SLC10A7: variants seen among roughly 807,000 people sequenced by gnomAD.
SLC10A7 encodes sodium/bile acid cotransporter 7.
SLC10A7 carries 29 observed loss-of-function variants against 43.2 expected under a neutral mutation model. The ratio of observed to expected loss-of-function variants is 0.67; its 90% CI spans 0.50 to 0.92. SLC10A7 has a LOEUF of 0.92. Ranked by LOEUF, SLC10A7 falls within the 40% of genes least tolerant of loss-of-function variation. The pLI, the probability that SLC10A7 is intolerant of heterozygous loss-of-function variation, is 0.00. For missense variants in SLC10A7, 295 were observed against 403.2 expected, an observed-to-expected ratio of 0.73 and a Z score of 2.30; for synonymous variants, 152 against 144.8, an observed-to-expected ratio of 1.05 and a Z score of -0.35.
intron 5 of SLC10A7, among the ~76,000 whole-genome samples, chr4:146,416,838 C>T (rs1426208118): frequency 6.6e-6 from 1 of 152,048 alleles, no homozygotes; most frequent in East Asian, 1.9e-4. Flanking sequence ...ATTCTCCTAC[C>T]TCAATACCTT....
intron 3 of SLC10A7, 101 bp from the exon 4 acceptor site, chr4:146,504,025 G>A (rs79033595): frequency 9.9e-6 from 10 of 1,008,902 alleles, no homozygotes; most frequent in African/African-American, 1.6e-5. Flanking sequence ...ATGAATATAA[G>A]GGCATATTTA....
intron 5 of SLC10A7, among the ~76,000 whole-genome samples, chr4:146,374,593 A>AT (rs983202005): frequency 1.3e-5 from 2 of 148,220 alleles, no homozygotes; most frequent in Non-Finnish European, 3.0e-5. Context: ...TCTCAAAAAA[A>AT]ATATATACAT....
At chr4:146,484,533 A>G (rs1009900015) in intron 4 of SLC10A7, among the ~76,000 whole-genome samples, 4 of 152,196 alleles carry the variant, frequency 2.6e-5, no homozygotes, top group Non-Finnish European at 5.9e-5. Flanking sequence ...AGAGAAAAAA[A>G]CAGTGGTTAC....
At chr4:146,313,796 G>C (rs1732142468) in intron 6 of SLC10A7, among the ~76,000 whole-genome samples, 1 of 152,020 alleles carries the variant, frequency 6.6e-6, no homozygotes. Context: ...TCTCTTCTAT[G>C]AACTCCTATT....
intron 5 of SLC10A7, among the ~76,000 whole-genome samples, chr4:146,427,318 C>G (rs1729445505): frequency 6.6e-6 from 1 of 152,148 alleles, no homozygotes; most frequent in Non-Finnish European, 1.5e-5. Context: ...CTGGGTGACA[C>G]ACACACACAA....
At chr4:146,292,886 C>A (rs769216178) in intron 9 of SLC10A7, 43 bp downstream of exon 9, 4 of 1,394,846 alleles carry the variant, frequency 2.9e-6, no homozygotes, top group South Asian at 1.2e-5. Context: ...CCGCATGATT[C>A]CTAATTTAGA....
At chr4:146,383,663 G>C (rs953586174) in intron 5 of SLC10A7, among the ~76,000 whole-genome samples, 3 of 152,076 alleles carry the variant, frequency 2.0e-5, no homozygotes, top group Non-Finnish European at 2.9e-5. Flanking sequence ...ACTTCCAACA[G>C]CCTGGACACC....
At chr4:146,515,778 T>C (rs1300735727) in intron 2 of SLC10A7, among the ~76,000 whole-genome samples, 7 of 151,762 alleles carry the variant, frequency 4.6e-5, no homozygotes, top group African/African-American at 1.7e-4. Flanking sequence ...GGCGTGGTGG[T>C]GGGTGCCTGT....
chr4:146,280,063 T>A (rs1729447535), intron 10 of SLC10A7, among the ~76,000 whole-genome samples: 1 of 152,134 alleles, frequency 6.6e-6, no homozygotes, highest in Admixed American at 6.6e-5. Context: ...ATTAGTTACA[T>A]GGTTGCCTCT....
chr4:146,515,220 A>G (rs1737835067), intron 2 of SLC10A7: 1 of 700,550 alleles, frequency 1.4e-6, no homozygotes. Flanking sequence ...GTAGCCATTA[A>G]GCAGCCACCA....
At chr4:146,480,057 C>A (rs1267897491) in intron 4 of SLC10A7, among the ~76,000 whole-genome samples, 1 of 150,970 alleles carries the variant, frequency 6.6e-6, no homozygotes, top group African/African-American at 2.5e-5. Context: ...AGGCATACTG[C>A]AGCTAAATAA....
At position 146,461,935 on chromosome 4, in the gene SLC10A7, G is replaced by A. The variant is rs532604128; in HGVS notation, c.397-19114C>T. Among the ~76,000 whole-genome samples, 28 of 151,516 alleles carry A rather than the reference G, an allele frequency of 1.8e-4. No individual in the cohort carries two copies. The South Asian group carries it at 5.4e-3, about 29-fold the overall frequency. On this transcript the variant is annotated intron_variant, in intron 4 of 11. Transcript: ENST00000335472. ...TCAAATCATCATACAATTTTCTCAG[G>A]AAAATTACATCAGCCCCCACTCCCT...
chr4:146,392,123 A>T (rs183457742), intron 5 of SLC10A7, among the ~76,000 whole-genome samples: 1 of 152,338 alleles, frequency 6.6e-6, no homozygotes, highest in African/African-American at 2.4e-5. Context: ...TTGTATATAC[A>T]TACAACTGCT....
At chr4:146,266,405 A>G (rs1271295256) in intron 10 of SLC10A7, among the ~76,000 whole-genome samples, 4 of 152,024 alleles carry the variant, frequency 2.6e-5, no homozygotes, top group Non-Finnish European at 4.4e-5. Context: ...TACCCACCAC[A>G]CATGCCCATG....
At chr4:146,389,224 T>C (rs1295322674) in intron 5 of SLC10A7, among the ~76,000 whole-genome samples, 2 of 152,214 alleles carry the variant, frequency 1.3e-5, no homozygotes, top group East Asian at 1.9e-4. Context: ...ATATTCACTA[T>C]TTGGGCAACA....
chr4:146,388,527 G>C (rs1232884544), intron 5 of SLC10A7, among the ~76,000 whole-genome samples: 1 of 152,170 alleles, frequency 6.6e-6, no homozygotes, highest in Non-Finnish European at 1.5e-5. Context: ...GGGAGGCTGA[G>C]GCGGGTGGAT....
chr4:146,267,863 C>G (rs1460706043), intron 10 of SLC10A7, among the ~76,000 whole-genome samples: 1 of 152,176 alleles, frequency 6.6e-6, no homozygotes, highest in Non-Finnish European at 1.5e-5. Context: ...AGAAAGCCAA[C>G]AGCAGCGCCT....
At chr4:146,398,919 G>A (rs1174695707) in intron 5 of SLC10A7, among the ~76,000 whole-genome samples, 3 of 152,338 alleles carry the variant, frequency 2.0e-5, no homozygotes, top group South Asian at 2.1e-4. Flanking sequence ...GTAAGCAGCA[G>A]GAGAACGGGA....
At chr4:146,263,345 C>T (rs577632747) in intron 10 of SLC10A7, among the ~76,000 whole-genome samples, 2 of 152,302 alleles carry the variant, frequency 1.3e-5, no homozygotes, top group South Asian at 4.1e-4. Context: ...GGGTCAGCAA[C>T]AGTTTCTTCT....
Sources: gnomAD v4.1 joint callset for allele counts (sites outside exome capture counted in the v4.1 genomes callset) on GRCh38, gnomAD v4.1.1 for gene constraint, MANE v1.5 for transcripts, NCBI Gene and HGNC (gene_info 2026-07-23, HGNC 2026-07-21) for gene names.